The following PTPRT variants were observed in gnomAD, a reference collection of about 807,000 sequenced individuals.
PTPRT encodes the protein receptor-type tyrosine-protein phosphatase T.
PTPRT carries 56 observed loss-of-function variants against 176.8 expected under a neutral mutation model. The observed-to-expected ratio is 0.32, with a 90% CI of 0.26 to 0.40. The LOEUF (loss-of-function observed/expected upper bound fraction) is 0.40. Ranked by LOEUF, PTPRT falls within the 10% of genes least tolerant of loss-of-function variation. PTPRT has a pLI of 1.00. For synonymous variants in PTPRT, 783 were observed against 739.0 expected, an observed-to-expected ratio of 1.06 and a Z score of -0.96; for missense variants, 1,540 against 1,908.2, an observed-to-expected ratio of 0.81 and a Z score of 3.60.
chr20:42,388,786 A>G (rs1038838430), intron 9 of PTPRT, among the ~76,000 whole-genome samples: 2 of 152,236 alleles, frequency 1.3e-5, no homozygotes, highest in African/African-American at 2.4e-5. Flanking sequence ...TATATACCCA[A>G]AGGATTATAA....
chr20:42,592,448 AC>A (rs1465911676), intron 7 of PTPRT, among the ~76,000 whole-genome samples: 3 of 152,106 alleles, frequency 2.0e-5, no homozygotes, highest in Non-Finnish European at 4.4e-5. Context: ...CATCAAGAAC[AC>A]CCTGACCTGC....
Position 42,350,749 on chromosome 20 carries a change from G to A in PTPRT, c.1763-19C>T, listed in dbSNP as rs1482576390. ...GATGGAGCTGGACAGGAAACAGAGA[G>A]TGCAGGTGAGTTCAGCACAGATTCC... is the stretch of plus-strand genomic sequence containing the variant. On this transcript the variant is annotated intron_variant, in intron 10 of 30. Transcript: ENST00000373187. The A allele has an allele frequency of 6.4e-7, 1 of 1,568,624 alleles. No individual in the cohort carries two copies.
At chr20:42,812,261 T>C (rs147686916) in intron 2 of PTPRT, among the ~76,000 whole-genome samples, 1 of 152,272 alleles carries the variant, frequency 6.6e-6, no homozygotes, top group African/African-American at 2.4e-5. Flanking sequence ...AGCATTTTAA[T>C]TATTTTAAGT....
chr20:42,782,580 C>T (rs2077230436), intron 3 of PTPRT, among the ~76,000 whole-genome samples: 1 of 152,218 alleles, frequency 6.6e-6, no homozygotes, highest in Admixed American at 6.5e-5. Context: ...CAACTTCTGC[C>T]TCAGCCCTCA....
chr20:42,987,237 C>T (rs1253376240), intron 1 of PTPRT, among the ~76,000 whole-genome samples: 6 of 152,222 alleles, frequency 3.9e-5, no homozygotes, highest in Non-Finnish European at 8.8e-5. Context: ...GCTGCCCTTG[C>T]ACTTTCTACA....
At chr20:42,211,347 G>C (rs8184488) in intron 15 of PTPRT, among the ~76,000 whole-genome samples, 48,286 of 150,016 alleles carry the variant, frequency 0.32, 8,665 homozygotes, top group South Asian at 0.47. Context: ...ACTACCATCA[G>C]AGTGAACGGG....
the PTPRT span, among the ~76,000 whole-genome samples, chr20:42,050,903 C>A: frequency 1.3e-5 from 2 of 152,160 alleles, no homozygotes; most frequent in African/African-American, 4.8e-5. Flanking sequence ...GTGGGTTATC[C>A]AAAAACACAA....
chr20:42,426,828 T>A (rs6016789), intron 9 of PTPRT, among the ~76,000 whole-genome samples: 1 of 151,730 alleles, frequency 6.6e-6, no homozygotes, highest in Non-Finnish European at 1.5e-5. Flanking sequence ...CTTGTTTCAA[T>A]AGGTTGGTCA....
intron 17 of PTPRT, among the ~76,000 whole-genome samples, chr20:42,156,894 C>T (rs1027185467): frequency 1.3e-5 from 2 of 152,204 alleles, no homozygotes; most frequent in African/African-American, 2.4e-5. Context: ...GTTCCATTCT[C>T]AACACAGTAG....
At chr20:42,373,098 G>A (rs1489860171) in intron 9 of PTPRT, among the ~76,000 whole-genome samples, 2 of 152,216 alleles carry the variant, frequency 1.3e-5, no homozygotes, top group East Asian at 3.8e-4. Flanking sequence ...TACCTACTGT[G>A]TGCCTAGCAT....
chr20:42,948,764 C>T (rs1168768216), intron 1 of PTPRT, among the ~76,000 whole-genome samples: 1 of 152,176 alleles, frequency 6.6e-6, no homozygotes, highest in Non-Finnish European at 1.5e-5. Flanking sequence ...TTACTTTTTG[C>T]TTATGCCATT....
intron 9 of PTPRT, among the ~76,000 whole-genome samples, chr20:42,368,482 G>A (rs755120672): frequency 1.3e-5 from 2 of 152,032 alleles, no homozygotes; most frequent in Non-Finnish European, 2.9e-5. Flanking sequence ...AGCGTAGCAG[G>A]CTTTCAGAGA....
chr20:42,993,272 G>T (rs1294624414), intron 1 of PTPRT, among the ~76,000 whole-genome samples: 3 of 150,884 alleles, frequency 2.0e-5, no homozygotes, highest in African/African-American at 4.9e-5. Flanking sequence ...CAAAAAATTA[G>T]CCGGGCGTGG....
chr20:42,538,140 A>AC (rs2072509997), intron 7 of PTPRT, among the ~76,000 whole-genome samples: 1 of 152,126 alleles, frequency 6.6e-6, no homozygotes, highest in African/African-American at 2.4e-5. Context: ...AAAAGAAAAA[A>AC]AAAACAAAAC....
In PTPRT at chr20:43,088,158, T is replaced by C. The variant is rs575310338; in HGVS notation, c.88+101488A>G. ...GCTCCATAAATATGTACAGTTATTA[T>C]GTGCCAATTAAAAAAATTTAAACCT... On this transcript the variant is annotated intron_variant, in intron 1 of 30. Coordinates refer to ENST00000373187, the MANE Select transcript of PTPRT (RefSeq NM_007050.6). 5.9e-5 allele frequency among the ~76,000 whole-genome samples: 9 copies of C among 152,334 alleles called. 1 individual carries two copies. The South Asian group carries it at 6.2e-4, about 11-fold the overall frequency.
intron 7 of PTPRT, among the ~76,000 whole-genome samples, chr20:42,579,023 A>G (rs1386443767): frequency 3.3e-5 from 5 of 151,360 alleles, no homozygotes; most frequent in Admixed American, 6.6e-5. Flanking sequence ...TCGTCATTTA[A>G]CATTAGGTAT....
chr20:42,172,628 T>A (rs1357876504), intron 16 of PTPRT, among the ~76,000 whole-genome samples: 1 of 152,236 alleles, frequency 6.6e-6, no homozygotes, highest in East Asian at 1.9e-4. Flanking sequence ...TTTTCCCCAA[T>A]GTTAACACTT....
intron 7 of PTPRT, among the ~76,000 whole-genome samples, chr20:42,554,278 C>A (rs549677536): frequency 1.1e-4 from 17 of 152,206 alleles, no homozygotes; most frequent in African/African-American, 4.1e-4. Flanking sequence ...CTTGTACCCC[C>A]AAACCTACTG....
chr20:42,106,976 G>T (rs1986512443), intron 23 of PTPRT, 55 bp from the exon 24 acceptor site: 1 of 1,589,856 alleles, frequency 6.3e-7, no homozygotes, highest in South Asian at 1.2e-5. Flanking sequence ...ACCTGCCCTG[G>T]GGAGGCCCCT....
Sources: gnomAD v4.1 joint callset for allele counts (sites outside exome capture counted in the v4.1 genomes callset) on GRCh38, gnomAD v4.1.1 for gene constraint, MANE v1.5 for transcripts, NCBI Gene and HGNC (gene_info 2026-07-23, HGNC 2026-07-21) for gene names.